RARB: variants seen among roughly 807,000 people sequenced by gnomAD.
RARB encodes the protein HBV-activated protein.
A neutral mutation model predicts 51.9 loss-of-function variants in RARB; 17 were observed. The ratio of observed to expected loss-of-function variants is 0.33; its 90% CI spans 0.22 to 0.49. The LOEUF (loss-of-function observed/expected upper bound fraction) is 0.49. RARB is among the 20% of genes least tolerant of loss of function. The pLI is 0.99. For synonymous variants in RARB, 215 were observed against 195.4 expected (o/e 1.10, Z -0.84); for missense variants, 369 against 550.8 (o/e 0.67, Z 3.30).
At chr3:24,922,790 C>T (rs1280449712) in intron 2 of RARB, among the ~76,000 whole-genome samples, 1 of 152,134 alleles carries the variant, frequency 6.6e-6, no homozygotes, top group African/African-American at 2.4e-5. Flanking sequence ...TCCATTGCTA[C>T]AGCTGGCTGC....
intron 5 of RARB, among the ~76,000 whole-genome samples, chr3:25,592,138 A>C (rs547061382): frequency 6.6e-6 from 1 of 151,690 alleles, no homozygotes; most frequent in Non-Finnish European, 1.5e-5. Flanking sequence ...GGGCTTTACT[A>C]CTCCTCCTAG....
chr3:24,877,922 T>C (rs1703078211), intron 2 of RARB, among the ~76,000 whole-genome samples: 1 of 152,200 alleles, frequency 6.6e-6, no homozygotes, highest in African/African-American at 2.4e-5. Flanking sequence ...TATCACTTAC[T>C]AGGTGTTTTT....
chr3:25,321,869 T>C (rs1171342991), intron 5 of RARB, among the ~76,000 whole-genome samples: 1 of 143,640 alleles, frequency 7.0e-6, no homozygotes, highest in African/African-American at 2.6e-5. Context: ...CTCTAAAATT[T>C]AAAAAAAAAA....
At chr3:25,464,269 T>A (rs1695327251) in intron 2 of RARB, among the ~76,000 whole-genome samples, 1 of 152,230 alleles carries the variant, frequency 6.6e-6, no homozygotes, top group Non-Finnish European at 1.5e-5. Flanking sequence ...ATGATCTGTA[T>A]AGCACAAACT....
chr3:25,412,344 G>A (rs1328591455), intron 5 of RARB, among the ~76,000 whole-genome samples: 5 of 152,048 alleles, frequency 3.3e-5, no homozygotes, highest in African/African-American at 9.7e-5. Flanking sequence ...AACCAAGGGG[G>A]CCTAGTTATA....
chr3:24,877,337 G>A (rs116210311), intron 2 of RARB, among the ~76,000 whole-genome samples: 2,768 of 45,500 alleles, frequency 0.061, 71 homozygotes, highest in Middle Eastern at 0.14. Flanking sequence ...ATTTTTTAAA[G>A]CAATCTTACT....
chr3:25,130,768 C>T (rs1425979642), intron 3 of RARB, among the ~76,000 whole-genome samples: 10 of 151,472 alleles, frequency 6.6e-5, no homozygotes, highest in Admixed American at 6.6e-4. Flanking sequence ...TTGCTATCTC[C>T]TGCAGCCTCA....
Position 25,105,435 on chromosome 3 carries a change from AAAAAAG to A in RARB, c.-327-26723_-327-26718del, listed in dbSNP as rs1373020331. Among the ~76,000 whole-genome samples, 757 of 148,606 alleles carry A rather than the reference AAAAAAG, an allele frequency of 5.1e-3. 9 individuals are homozygous for A. Among genetic ancestry groups the A allele is most frequent in the East Asian group, 0.045 (231 of 5,148 alleles). ...TGTATACATGTGCAAAAAAAAAAAAAAAAAAGAAGATTTGTGGTGCCATAAAGGGCA... is the reference window on the plus strand; with the variant it reads ...TGTATACATGTGCAAAAAAAAAAAAAAAGATTTGTGGTGCCATAAAGGGCA... On this transcript the variant is annotated intron_variant, in intron 3 of 11. Coordinates refer to the RARB transcript ENST00000383772.
intron 5 of RARB, among the ~76,000 whole-genome samples, chr3:25,218,992 G>A (rs527939358): frequency 7.2e-5 from 11 of 152,258 alleles, no homozygotes; most frequent in African/African-American, 2.6e-4. Flanking sequence ...ATTTCCAGCT[G>A]ATACAGGCAC....
intron 3 of RARB, among the ~76,000 whole-genome samples, chr3:25,114,263 ACT>A (rs1332483416): frequency 6.6e-6 from 1 of 152,078 alleles, no homozygotes; most frequent in African/African-American, 2.4e-5. Flanking sequence ...TTGGTGCAGC[ACT>A]CTCTGCTCTG....
At chr3:24,945,541 C>T (rs148383187) in intron 2 of RARB, among the ~76,000 whole-genome samples, 31 of 152,348 alleles carry the variant, frequency 2.0e-4, no homozygotes, top group African/African-American at 6.0e-4. Flanking sequence ...TGCCTCTCTC[C>T]TGTGATTCTT....
intron 2 of RARB, among the ~76,000 whole-genome samples, chr3:25,005,631 C>T (rs191636468): frequency 6.6e-6 from 1 of 152,018 alleles, no homozygotes; most frequent in African/African-American, 2.4e-5. Context: ...AGCCACAAAC[C>T]GTCATCTCCA....
chr3:25,060,453 G>A lies in RARB; in HGVS notation c.-328+277G>A, dbSNP rs74905035. Among the ~76,000 whole-genome samples the A allele has an allele frequency of 3.2e-3, 484 of 151,814 alleles. 9 individuals carry two copies. In the East Asian group the frequency reaches 0.042, roughly 13 times the overall value. On this transcript the variant is annotated intron_variant, in intron 3 of 11. Coordinates refer to the RARB transcript ENST00000383772. ...AGAGCAGAGGGTTGCAAACTATAAG[G>A]GGCCAGATAGTGAATACTTAGGCTT...
At chr3:25,088,587 T>A (rs1254855370) in intron 3 of RARB, among the ~76,000 whole-genome samples, 1 of 152,102 alleles carries the variant, frequency 6.6e-6, no homozygotes, top group Non-Finnish European at 1.5e-5. Flanking sequence ...AGGCCATTAA[T>A]CATGGTGAGG....
chr3:24,847,931 A>G (rs145902597), intron 1 of RARB, among the ~76,000 whole-genome samples: 342 of 152,354 alleles, frequency 2.2e-3, no homozygotes, highest in African/African-American at 8.0e-3. Flanking sequence ...TTCAACTGTA[A>G]GTGGACTACT....
intron 1 of RARB, among the ~76,000 whole-genome samples, chr3:24,843,109 T>A (rs1440901707): frequency 6.6e-6 from 1 of 152,236 alleles, no homozygotes; most frequent in African/African-American, 2.4e-5. Context: ...GTATTTTTTT[T>A]AACATTCACC....
chr3:25,528,334 C>T (rs1041237927), intron 3 of RARB, among the ~76,000 whole-genome samples: 3 of 152,136 alleles, frequency 2.0e-5, no homozygotes, highest in African/African-American at 7.2e-5. Flanking sequence ...GATGTGCCCT[C>T]CTGAGTCCAG....
intron 4 of RARB, among the ~76,000 whole-genome samples, chr3:25,166,078 C>T (rs1238351411): frequency 6.6e-6 from 1 of 151,974 alleles, no homozygotes; most frequent in Non-Finnish European, 1.5e-5. Context: ...TGGTCTAAGA[C>T]TCCTTTGACT....
intron 5 of RARB, among the ~76,000 whole-genome samples, chr3:25,178,859 A>G (rs1241010855): frequency 6.6e-6 from 1 of 152,134 alleles, no homozygotes; most frequent in Non-Finnish European, 1.5e-5. Flanking sequence ...TGAGAGTTGG[A>G]CAGCTGTCTG....
Sources: gnomAD v4.1 joint callset for allele counts (sites outside exome capture counted in the v4.1 genomes callset) on GRCh38, gnomAD v4.1.1 for gene constraint, MANE v1.5 for transcripts, NCBI Gene and HGNC (gene_info 2026-07-23, HGNC 2026-07-21) for gene names.